TERT: variants seen among roughly 807,000 people sequenced by gnomAD.
The protein encoded by TERT is telomerase reverse transcriptase, also known as telomerase catalytic subunit.
Under a neutral mutation model 104.0 loss-of-function variants are expected in TERT, and 42 were observed. That is an observed-to-expected ratio of 0.40 (90% CI 0.32 to 0.52). The LOEUF is 0.52. Ranked by LOEUF, TERT falls within the 20% of genes least tolerant of loss-of-function variation. TERT has a pLI of 0.43. For missense variants in TERT, 1,101 were observed against 1,610.3 expected, an observed-to-expected ratio of 0.68 and a Z score of 5.41; for synonymous variants, 781 against 725.6, an observed-to-expected ratio of 1.08 and a Z score of -1.23.
Position 1,293,695 on chromosome 5 carries a change from A to C in TERT, c.1191T>G (p.Leu397=). ...CGTAGGGGCACTGCGCGTGGTTCCCAAGCAGCTCCAGAAACAGGGGCCGCA... is the reference window on the plus strand; with the variant it reads ...CGTAGGGGCACTGCGCGTGGTTCCCCAGCAGCTCCAGAAACAGGGGCCGCA... ...WQMRPLFLEL[L]GNHAQCPYGV... is the part of the protein sequence containing the mutation. The change falls in exon 2 of 16, where the codon CTT becomes CTG. Residue 397 remains leucine (L), a synonymous_variant. Coordinates refer to ENST00000310581, the MANE Select transcript of TERT (RefSeq NM_198253.3). 6.3e-7 allele frequency: 1 copy of C among 1,575,016 alleles called. No homozygotes were observed. Among genetic ancestry groups the C allele is most frequent in the Non-Finnish European group, 8.6e-7 (1 of 1,161,050 alleles).
At chr5:1,289,221 C>G (rs1383650391) in intron 2 of TERT, among the ~76,000 whole-genome samples, 1 of 144,256 alleles carries the variant, frequency 6.9e-6, no homozygotes, top group Non-Finnish European at 1.5e-5. Flanking sequence ...GCGCCTCACT[C>G]ACCCTACACG....
rs1748245436 is a variant in TERT, at chr5:1,261,736, C to G, written c.2844-1136G>C. Among the ~76,000 whole-genome samples, 1 of 152,216 alleles carries G rather than the reference C, an allele frequency of 6.6e-6. No individual in the cohort carries two copies. Among genetic ancestry groups the G allele is most frequent in the East Asian group, 1.9e-4 (1 of 5,186 alleles). On this transcript the variant is annotated intron_variant, in intron 11 of 15. Coordinates refer to ENST00000310581, the MANE Select transcript of TERT (RefSeq NM_198253.3). The surrounding 1 kb of genome is among the most constrained non-coding windows in gnomAD (Gnocchi z 7.4). ...TTTCTTCTTTCACAGCCATCCCCAACACGACCTTGGGCTCCGGCTCACCCT... is the reference window on the plus strand; with the variant it reads ...TTTCTTCTTTCACAGCCATCCCCAAGACGACCTTGGGCTCCGGCTCACCCT...
rs951929303 is a variant in TERT at position 1,263,273 on chromosome 5, T to C, written c.2843+1131A>G. Among the ~76,000 whole-genome samples, 1 of 152,130 alleles carries C rather than the reference T, an allele frequency of 6.6e-6. No individual in the cohort carries two copies. The highest frequency in any genetic ancestry group is 2.4e-5 in the African/African-American group (1 of 41,432). On this transcript the variant is annotated intron_variant, in intron 11 of 15. Transcript: ENST00000310581. This position sits in a 1 kb window ranked among gnomAD's most constrained non-coding sequence, Gnocchi z 5.3. The stretch of plus-strand genomic sequence containing the variant: ...TGGTTTAACAACCATCCACCACTTA[T>C]TTCTCTTCCCATGAAGGTGTGCCTT...
At chr5:1,289,737 G>C (rs1750751080) in intron 2 of TERT, among the ~76,000 whole-genome samples, 1 of 110,104 alleles carries the variant, frequency 9.1e-6, no homozygotes, top group Non-Finnish European at 1.8e-5. Context: ...CCCTGCACGT[G>C]ACAGGGACAC....
At position 1,253,220 on chromosome 5, in the gene TERT, T is replaced by C; in HGVS notation, c.*508A>G. 3.8e-6 allele frequency: 1 copy of C among 261,836 alleles called. No individual in the cohort carries two copies. The allele number at this position is 261,836 out of a possible 1,614,324, so 16.2% of individuals were successfully genotyped here. ...TTCAGTATTTTACTCCCACAGCACC[T>C]CCCCCCAATTTGACCCACAGGGACC... On this transcript the variant is annotated 3_prime_UTR_variant, in exon 16 of 16. Transcript: ENST00000310581.
chr5:1,264,393 G>A lies in TERT; in HGVS notation c.2843+11C>T. 1.2e-6 allele frequency: 2 copies of A among 1,608,812 alleles called. No homozygotes were observed. Among genetic ancestry groups the A allele is most frequent in the African/African-American group, 1.3e-5 (1 of 74,988 alleles). ...CGGGCACAGGCTCCACTTCCGGCCA[G>A]GTGCGCTCACCTGGAGTAGTCGCTC... On this transcript the variant is annotated intron_variant, in intron 11 of 15. Coordinates refer to ENST00000310581, the MANE Select transcript of TERT (RefSeq NM_198253.3).
At chr5:1,289,124 A>T (rs1203273250) in intron 2 of TERT, among the ~76,000 whole-genome samples, 1 of 151,690 alleles carries the variant, frequency 6.6e-6, no homozygotes. Context: ...ACACCCAGGG[A>T]CAGCGCCTCA....
chr5:1,271,033 G>T, intron 8 of TERT, 86 bp downstream of exon 8: 1 of 1,108,232 alleles, frequency 9.0e-7, no homozygotes, highest in Non-Finnish European at 1.4e-6. Context: ...AAGGGCAGTG[G>T]GGAAGGGGCA....
rs753034642 is a variant in TERT, at chr5:1,268,640, C to T, written c.2469-7G>A. ...CTGGCACTGGACGTAGGACCTGGGGCGGGAAGACACAGGTGAGAGACGGGC... is the reference window on the plus strand; with the variant it reads ...CTGGCACTGGACGTAGGACCTGGGGTGGGAAGACACAGGTGAGAGACGGGC... On this transcript the variant is annotated splice_polypyrimidine_tract_variant and splice_region_variant and intron_variant, in intron 8 of 15. Coordinates refer to ENST00000310581, the MANE Select transcript of TERT (RefSeq NM_198253.3). The surrounding 1 kb of genome is among the most constrained non-coding windows in gnomAD (Gnocchi z 5.5). The T allele has an allele frequency of 3.2e-5, 51 of 1,605,328 alleles. No individual in the cohort carries two copies. The highest frequency in any genetic ancestry group is 1.1e-4 in the African/African-American group (8 of 74,792).
Position 1,265,955 on chromosome 5 carries a change from G to C in TERT, c.2654+509C>G, listed in dbSNP as rs1748570372. Among the ~76,000 whole-genome samples, 1 of 152,192 alleles carries C rather than the reference G, an allele frequency of 6.6e-6. No individual in the cohort carries two copies. The highest frequency in any genetic ancestry group is 2.4e-5 in the African/African-American group (1 of 41,448). On this transcript the variant is annotated intron_variant, in intron 10 of 15. Coordinates refer to ENST00000310581, the MANE Select transcript of TERT (RefSeq NM_198253.3). This position sits in a 1 kb window ranked among gnomAD's most constrained non-coding sequence, Gnocchi z 6.9. ...ACTCCTAGCCATCTCCGTGGTTCAA[G>C]ACAGCAGCACTCAGCAAATCCAAAT... is the stretch of plus-strand genomic sequence containing the variant.
chr5:1,285,565 ATTT>A (rs1170336173), intron 2 of TERT, among the ~76,000 whole-genome samples: 20 of 82,190 alleles, frequency 2.4e-4, no homozygotes, highest in African/African-American at 6.3e-4. Context: ...GGCTACTAGA[ATTT>A]TTTTTTTTTT....
At position 1,268,512 on chromosome 5, in the gene TERT, G is replaced by C; in HGVS notation, c.2582+8C>G. ...ACCCAAGCCCCCCTGGGGAAGAGGA[G>C]GCCTCACCCGTCCCGCCGAATCCCC... On this transcript the variant is annotated splice_region_variant and intron_variant, in intron 9 of 15. Coordinates refer to ENST00000310581, the MANE Select transcript of TERT (RefSeq NM_198253.3). The surrounding 1 kb of genome is among the most constrained non-coding windows in gnomAD (Gnocchi z 5.5). 6.2e-7 allele frequency: 1 copy of C among 1,611,012 alleles called. No individual in the cohort carries two copies. The highest frequency in any genetic ancestry group is 8.5e-7 in the Non-Finnish European group (1 of 1,177,906).
chr5:1,265,976 C>T lies in TERT; in HGVS notation c.2654+488G>A, dbSNP rs1748571352. ...TCAAGACAGCAGCACTCAGCAAATC[C>T]AAATTCTCCCACCGATCCCAAACAA... On this transcript the variant is annotated intron_variant, in intron 10 of 15. Coordinates refer to ENST00000310581, the MANE Select transcript of TERT (RefSeq NM_198253.3). The surrounding 1 kb of genome is among the most constrained non-coding windows in gnomAD (Gnocchi z 6.9). Among the ~76,000 whole-genome samples, 1 of 152,186 alleles carries T rather than the reference C, an allele frequency of 6.6e-6. No individual in the cohort carries two copies. Among genetic ancestry groups the T allele is most frequent in the African/African-American group, 2.4e-5 (1 of 41,456 alleles).
intron 2 of TERT, among the ~76,000 whole-genome samples, chr5:1,291,180 G>C (rs1210879319): frequency 7.9e-6 from 1 of 125,960 alleles, no homozygotes; most frequent in Non-Finnish European, 1.7e-5. Context: ...GGACACCCAG[G>C]GACGGTGCCT....
At chr5:1,260,978 G>A (rs1051729441) in intron 11 of TERT, among the ~76,000 whole-genome samples, 3 of 152,228 alleles carry the variant, frequency 2.0e-5, no homozygotes, top group Non-Finnish European at 4.4e-5. Flanking sequence ...CAGGTTTTTT[G>A]TGGGAGAACA....
rs755843023 is a variant in TERT at position 1,294,418 on chromosome 5, G to A, written c.468C>T (p.Cys156=). 3.1e-6 allele frequency: 5 copies of A among 1,590,360 alleles called. No individual in the cohort carries two copies. Among genetic ancestry groups the A allele is most frequent in the Non-Finnish European group, 3.4e-6 (4 of 1,176,258 alleles). Residue 156 remains cysteine, a synonymous_variant, in exon 2 of 16, where the codon TGC becomes TGT. Coordinates refer to ENST00000310581, the MANE Select transcript of TERT (RefSeq NM_198253.3). ...DDVLVHLLAR[C]ALFVLVAPSC... ...TGGGAGCCACCAGCACAAAGAGCGC[G>A]CAGCGTGCCAGCAGGTGAACCAGCA...
intron 6 of TERT, among the ~76,000 whole-genome samples, chr5:1,277,360 G>A (rs745772573): frequency 1.2e-4 from 19 of 152,214 alleles, no homozygotes; most frequent in Middle Eastern, 3.2e-3. Flanking sequence ...AGGCGCAGCC[G>A]TGCAGTCCGC....
At position 1,294,426 on chromosome 5, in the gene TERT, C is replaced by T; in HGVS notation, c.460G>A (p.Ala154Thr). ...ACCAGCACAAAGAGCGCGCAGCGTGCCAGCAGGTGAACCAGCACGTCGTCG... is the reference window on the plus strand; with the variant it reads ...ACCAGCACAAAGAGCGCGCAGCGTGTCAGCAGGTGAACCAGCACGTCGTCG... ...VGDDVLVHLL[A>T]RCALFVLVAP... Residue 154 changes from alanine to threonine, a missense_variant, in exon 2 of 16, where the codon GCA becomes ACA. Coordinates refer to ENST00000310581, the MANE Select transcript of TERT (RefSeq NM_198253.3). 6.3e-7 allele frequency: 1 copy of T among 1,591,662 alleles called. No homozygotes were observed. The highest frequency in any genetic ancestry group is 1.3e-5 in the African/African-American group (1 of 74,916).
In TERT at chr5:1,293,665, C is replaced by T; in HGVS notation, c.1221G>A (p.Val407=). 1 of 1,565,882 alleles carries T rather than the reference C, an allele frequency of 6.4e-7. No homozygotes were observed. Among genetic ancestry groups the T allele is most frequent in the East Asian group, 2.3e-5 (1 of 42,726 alleles). Residue 407 remains valine, a synonymous_variant, in exon 2 of 16, where the codon GTG becomes GTA. Transcript: ENST00000310581. The part of the protein sequence containing the change: ...LGNHAQCPYG[V]LLKTHCPLRA... ...GCAGCGGGCAGTGCGTCTTGAGGAG[C>T]ACCCCGTAGGGGCACTGCGCGTGGT...
Sources: allele counts gnomAD v4.1 joint callset (sites outside exome capture counted in the v4.1 genomes callset), GRCh38; gene constraint gnomAD v4.1.1; non-coding constraint Gnocchi (gnomAD v3.1); transcripts MANE v1.5; gene names NCBI Gene and HGNC (gene_info 2026-07-23, HGNC 2026-07-21).